Variants in UNC13C observed in about 807,000 individuals in gnomAD.
UNC13C encodes the protein protein unc-13 homolog C.
UNC13C carries 174 observed loss-of-function variants against 245.4 expected under a neutral mutation model. The ratio of observed to expected loss-of-function variants is 0.71; its 90% confidence interval spans 0.63 to 0.80. UNC13C has a LOEUF of 0.80. UNC13C is among the 30% of genes least tolerant of loss of function. The pLI, the probability that UNC13C is intolerant of heterozygous loss-of-function variation, is 0.00. For synonymous variants in UNC13C, 992 were observed against 895.1 expected (o/e 1.11, Z -1.93); for missense variants, 2,829 against 2,602.9 (o/e 1.09, Z -1.89).
the UNC13C span, among the ~76,000 whole-genome samples, chr15:53,856,224 A>G: frequency 6.6e-6 from 1 of 151,854 alleles, no homozygotes. Flanking sequence ...TATTATTATC[A>G]TTATAAAAAA....
chr15:54,142,297 C>A (rs1175910557), intron 2 of UNC13C, among the ~76,000 whole-genome samples: 1 of 152,150 alleles, frequency 6.6e-6, no homozygotes, highest in Non-Finnish European at 1.5e-5. Context: ...GTAGACCAAG[C>A]ACCCTTCACT....
chr15:54,528,106 T>C (rs948793489), intron 25 of UNC13C, among the ~76,000 whole-genome samples: 2 of 152,224 alleles, frequency 1.3e-5, no homozygotes, highest in Non-Finnish European at 2.9e-5. Flanking sequence ...TTCTACTATA[T>C]GCAGCTGTTA....
At chr15:54,490,765 A>G (rs1414183401) in intron 19 of UNC13C, among the ~76,000 whole-genome samples, 1 of 152,118 alleles carries the variant, frequency 6.6e-6, no homozygotes. Context: ...CAAGGTTTTA[A>G]TTGGAAACAT....
At chr15:54,407,421 C>A (rs752099679) in intron 18 of UNC13C, among the ~76,000 whole-genome samples, 1 of 151,892 alleles carries the variant, frequency 6.6e-6, no homozygotes, top group Non-Finnish European at 1.5e-5. Context: ...AATAGTATTG[C>A]CATTAATTTA....
chr15:54,132,478 G>A (rs2141217287), intron 2 of UNC13C, among the ~76,000 whole-genome samples: 1 of 152,260 alleles, frequency 6.6e-6, no homozygotes, highest in East Asian at 1.9e-4. Flanking sequence ...GTTGCATCCA[G>A]AAGTATGTCT....
the UNC13C span, among the ~76,000 whole-genome samples, chr15:53,856,234 A>T: frequency 9.9e-5 from 15 of 151,998 alleles, no homozygotes; most frequent in Non-Finnish European, 1.6e-4. Flanking sequence ...ATTATAAAAA[A>T]CAGCTCCTGG....
chr15:54,414,877 T>A (rs1375977175), intron 18 of UNC13C, 105 bp from the exon 19 acceptor site: 2 of 600,614 alleles, frequency 3.3e-6, no homozygotes, highest in Middle Eastern at 3.0e-4. Flanking sequence ...TAAAAGTATT[T>A]ATGAACTATG....
intron 4 of UNC13C, among the ~76,000 whole-genome samples, chr15:54,155,166 C>T (rs1864418): frequency 0.048 from 7,318 of 152,228 alleles, 311 homozygotes; most frequent in African/African-American, 0.11. Flanking sequence ...TCTACATTCA[C>T]TCATGCATGT....
intron 4 of UNC13C, among the ~76,000 whole-genome samples, chr15:54,233,045 A>T (rs1181636502): frequency 1.3e-5 from 2 of 152,134 alleles, no homozygotes; most frequent in Non-Finnish European, 2.9e-5. Flanking sequence ...TAAGAAAAAA[A>T]GTTTATCATT....
chr15:54,110,280 C>CAA (rs11343698), intron 2 of UNC13C, among the ~76,000 whole-genome samples: 1 of 144,746 alleles, frequency 6.9e-6, no homozygotes, highest in African/African-American at 2.5e-5. Context: ...GACGCTGCCT[C>CAA]AAAAAAAAAA....
chr15:54,150,534 A>G (rs1482274452), intron 4 of UNC13C, among the ~76,000 whole-genome samples: 1 of 152,230 alleles, frequency 6.6e-6, no homozygotes, highest in African/African-American at 2.4e-5. Context: ...AAGGCCGCCA[A>G]CTTTCTAAAA....
chr15:54,077,376 CTTTTTT>C (rs768240170), intron 2 of UNC13C, among the ~76,000 whole-genome samples: 3 of 62,698 alleles, frequency 4.8e-5, no homozygotes, highest in African/African-American at 1.8e-4. Context: ...CTTTTCTTTT[CTTTTTT>C]TTTTTTTTTT....
At chr15:54,394,067 C>T (rs2040019408) in intron 18 of UNC13C, among the ~76,000 whole-genome samples, 2 of 151,982 alleles carry the variant, frequency 1.3e-5, no homozygotes, top group South Asian at 4.1e-4. Flanking sequence ...GAAGTAGACT[C>T]AGACTTACTA....
chr15:53,999,956 C>T (rs1167206422), intron 1 of UNC13C, among the ~76,000 whole-genome samples: 2 of 151,844 alleles, frequency 1.3e-5, no homozygotes, highest in Non-Finnish European at 2.9e-5. Flanking sequence ...TTTCAAGGAC[C>T]AGTATGTGTC....
chr15:54,489,625 A>G (rs1037890248), intron 19 of UNC13C, among the ~76,000 whole-genome samples: 6 of 152,156 alleles, frequency 3.9e-5, no homozygotes, highest in African/African-American at 1.4e-4. Context: ...CAGAGCCCCA[A>G]ATTCAATCAT....
At chr15:53,875,345 T>G in the UNC13C span, among the ~76,000 whole-genome samples, 1 of 152,128 alleles carries the variant, frequency 6.6e-6, no homozygotes, top group Non-Finnish European at 1.5e-5. Flanking sequence ...CAAGATTTCT[T>G]TTTTCAGTTA....
intron 25 of UNC13C, 139 bp downstream of exon 25, chr15:54,525,776 A>C: frequency 1.4e-6 from 1 of 719,644 alleles, no homozygotes; most frequent in Non-Finnish European, 2.3e-6. Flanking sequence ...TTTCTCTGAA[A>C]CATCTGTTAT....
At chr15:53,941,150 A>G in the UNC13C span, among the ~76,000 whole-genome samples, 2 of 152,182 alleles carry the variant, frequency 1.3e-5, no homozygotes, top group Non-Finnish European at 2.9e-5. Flanking sequence ...AAATAAGGCC[A>G]CACTCCTACA....
intron 2 of UNC13C, among the ~76,000 whole-genome samples, chr15:54,033,232 A>C (rs2141020841): frequency 6.6e-6 from 1 of 152,336 alleles, no homozygotes; most frequent in African/African-American, 2.4e-5. Flanking sequence ...TATAAAAAAA[A>C]AGATACAAAT....
Sources: allele counts gnomAD v4.1 joint callset (sites outside exome capture counted in the v4.1 genomes callset), GRCh38; gene constraint gnomAD v4.1.1; transcripts MANE v1.5; gene names NCBI Gene and HGNC (gene_info 2026-07-23, HGNC 2026-07-21).